Variants in PCDHGA2 observed in about 807,000 individuals in gnomAD.
The protein encoded by PCDHGA2 is protocadherin gamma subfamily A, 2.
PCDHGA2 carries 40 observed loss-of-function variants against 59.2 expected under a neutral mutation model. The observed-to-expected ratio is 0.68, with a 90% CI of 0.52 to 0.88. The LOEUF (loss-of-function observed/expected upper bound fraction) is 0.88, where lower values mean the gene tolerates loss of function less well. Ranked by LOEUF, PCDHGA2 falls within the 40% of genes least tolerant of loss-of-function variation. The pLI, the probability that PCDHGA2 is intolerant of heterozygous loss-of-function variation, is 0.00. For missense variants in PCDHGA2, 1,226 were observed against 1,204.0 expected (o/e 1.02, Z -0.27); for synonymous variants, 560 against 526.0 (o/e 1.06, Z -0.89).
intron 1 of PCDHGA2, chr5:141,372,625 G>T: frequency 6.2e-7 from 1 of 1,614,000 alleles, no homozygotes; most frequent in Non-Finnish European, 8.5e-7. Flanking sequence ...CCCACCTACA[G>T]CGAAAGGACT....
Position 141,375,135 on chromosome 5 carries a change from C to T in PCDHGA2, c.2424+33740C>T, listed in dbSNP as rs757101411. The T allele has an allele frequency of 3.7e-6, 6 of 1,613,924 alleles. No homozygotes were observed. In the East Asian group the frequency reaches 1.3e-4, roughly 36 times the overall value. ...AATGTACCAGAAGTGGTTGTTACATCTGGAAGCAGAACAATTGCTGAAAGT... is the reference window on the plus strand; with the variant it reads ...AATGTACCAGAAGTGGTTGTTACATTTGGAAGCAGAACAATTGCTGAAAGT... On this transcript the variant is annotated intron_variant, in intron 1 of 3. Coordinates refer to ENST00000394576, the MANE Select transcript of PCDHGA2 (RefSeq NM_018915.4).
intron 1 of PCDHGA2, among the ~76,000 whole-genome samples, chr5:141,402,640 T>G (rs1180615388): frequency 1.3e-5 from 2 of 152,232 alleles, no homozygotes; most frequent in East Asian, 3.8e-4. Flanking sequence ...TCTAAAATCA[T>G]AATTAGAAGA....
intron 1 of PCDHGA2, chr5:141,409,280 T>C (rs1277414418): frequency 6.2e-7 from 1 of 1,613,904 alleles, no homozygotes; most frequent in Non-Finnish European, 8.5e-7. Context: ...TTTGGAGAAT[T>C]CACCTCCAGG....
Position 141,491,992 on chromosome 5 carries a change from T to G in PCDHGA2, c.2425-2815T>G. ...GGCCTCCTTCGAGCTTCCGGTGAAT[T>G]TCGGGCGATTTCCGCGGGTGTCGGG... On this transcript the variant is annotated intron_variant, in intron 1 of 3. Transcript: ENST00000394576. This position sits in a 1 kb window ranked among gnomAD's most constrained non-coding sequence, Gnocchi z 6.9. The G allele has an allele frequency of 1.5e-6, 1 of 684,982 alleles. No homozygotes were observed. The highest frequency in any genetic ancestry group is 2.3e-6 in the Non-Finnish European group (1 of 443,370). The allele number at this position is 684,982 out of a possible 1,614,324, so 42.4% of individuals were successfully genotyped here.
At chr5:141,355,853 G>T in intron 1 of PCDHGA2, 1 of 1,612,554 alleles carries the variant, frequency 6.2e-7, no homozygotes, top group Non-Finnish European at 8.5e-7. Flanking sequence ...TTCGATGGAG[G>T]TGACCCGGTT....
intron 1 of PCDHGA2, chr5:141,346,086 A>G (rs770572086): frequency 1.9e-6 from 3 of 1,613,218 alleles, no homozygotes; most frequent in South Asian, 2.2e-5. Context: ...CGCCAAACCC[A>G]ACGATTCGGA....
chr5:141,345,156 G>A (rs769280964), intron 1 of PCDHGA2: 182 of 1,613,910 alleles, frequency 1.1e-4, no homozygotes, highest in Admixed American at 1.7e-4. Flanking sequence ...GCATGACCGA[G>A]ATTCTGGGCA....
At chr5:141,404,315 G>T (rs775576610) in intron 1 of PCDHGA2, 2 of 1,613,886 alleles carry the variant, frequency 1.2e-6, no homozygotes, top group African/African-American at 2.7e-5. Context: ...TTTCTCTCAA[G>T]CCTCCTACTC....
chr5:141,350,322 CTT>C, intron 1 of PCDHGA2: 1 of 1,532,296 alleles, frequency 6.5e-7, no homozygotes, highest in South Asian at 1.3e-5. Flanking sequence ...TTCCTGCTGT[CTT>C]TGTTCTGCGG....
intron 1 of PCDHGA2, among the ~76,000 whole-genome samples, chr5:141,470,825 C>A (rs557419577): frequency 6.6e-6 from 1 of 152,182 alleles, no homozygotes; most frequent in Admixed American, 6.5e-5. Context: ...GTAGTTAGGA[C>A]GACAAACACA....
chr5:141,464,896 G>C (rs1166142533), intron 1 of PCDHGA2, among the ~76,000 whole-genome samples: 2 of 151,554 alleles, frequency 1.3e-5, no homozygotes, highest in African/African-American at 4.8e-5. Context: ...ATGCCACCAT[G>C]TCCAGCTAAT....
rs750233767 is a variant in PCDHGA2 at position 141,490,877 on chromosome 5, C to A, written c.2425-3930C>A. 1 of 1,613,880 alleles carries A rather than the reference C, an allele frequency of 6.2e-7. No individual in the cohort carries two copies. Among genetic ancestry groups the A allele is most frequent in the Non-Finnish European group, 8.5e-7 (1 of 1,179,900 alleles). On this transcript the variant is annotated intron_variant, in intron 1 of 3. Coordinates refer to ENST00000394576, the MANE Select transcript of PCDHGA2 (RefSeq NM_018915.4). This position sits in a 1 kb window ranked among gnomAD's most constrained non-coding sequence, Gnocchi z 5.4. Reference sequence around the variant, plus strand: ...GACTCCGGCTCTCCCCCATTGCATGCCAACACATCTCTGCATGTGTTTGTC... The same window carrying A: ...GACTCCGGCTCTCCCCCATTGCATGACAACACATCTCTGCATGTGTTTGTC...
chr5:141,426,310 A>G, intron 1 of PCDHGA2: 1 of 173,588 alleles, frequency 5.8e-6, no homozygotes. Context: ...GAAGCAGAGA[A>G]GCAGGACCCG....
chr5:141,417,942 C>A (rs1324501154), intron 1 of PCDHGA2: 19 of 1,613,208 alleles, frequency 1.2e-5, no homozygotes, highest in Non-Finnish European at 1.5e-5. Flanking sequence ...TTCTACCCCA[C>A]GCTGTGTGAG....
Position 141,432,811 on chromosome 5 carries a change from T to G in PCDHGA2, c.2425-61996T>G. Reference sequence around the variant, plus strand: ...GCAGCCTCGAGTCTCCAGCTAACTCTGAAACCTCAGACCTCACTCTGTACC... The same window carrying G: ...GCAGCCTCGAGTCTCCAGCTAACTCGGAAACCTCAGACCTCACTCTGTACC... On this transcript the variant is annotated intron_variant, in intron 1 of 3. Transcript: ENST00000394576. The surrounding 1 kb of genome is among the most constrained non-coding windows in gnomAD (Gnocchi z 6.0). 1 of 1,614,126 alleles carries G rather than the reference T, an allele frequency of 6.2e-7. No homozygotes were observed. Among genetic ancestry groups the G allele is most frequent in the Non-Finnish European group, 8.5e-7 (1 of 1,179,988 alleles).
chr5:141,440,503 G>A (rs979260104), intron 1 of PCDHGA2: 10 of 152,154 alleles, frequency 6.6e-5, no homozygotes, highest in Non-Finnish European at 1.0e-4. Flanking sequence ...ACATTAATAT[G>A]GAGATTCAGG....
intron 1 of PCDHGA2, chr5:141,416,273 T>C (rs891505781): frequency 8.5e-5 from 13 of 152,298 alleles, no homozygotes; most frequent in African/African-American, 3.1e-4. Flanking sequence ...CCTTTTTGCA[T>C]ACAATTCTCT....
chr5:141,385,181 C>T (rs201394036), intron 1 of PCDHGA2: 5 of 1,614,202 alleles, frequency 3.1e-6, no homozygotes, highest in Non-Finnish European at 3.4e-6. Flanking sequence ...TCCCTCACCG[C>T]GGACTCTCGG....
At position 141,477,722 on chromosome 5, in the gene PCDHGA2, A is replaced by G. The variant is rs768705340; in HGVS notation, c.2425-17085A>G. 9.3e-6 allele frequency: 15 copies of G among 1,613,878 alleles called. No homozygotes were observed. In the Middle Eastern group the frequency reaches 6.6e-4, roughly 71 times the overall value. On this transcript the variant is annotated intron_variant, in intron 1 of 3. Transcript: ENST00000394576. The surrounding 1 kb of genome is among the most constrained non-coding windows in gnomAD (Gnocchi z 4.9). ...TGAGGATCGGCGGGAATTTGAATTA[A>G]CAGCTCATATCAGCGATGGGGGCAC...
Sources: allele counts gnomAD v4.1 joint callset (sites outside exome capture counted in the v4.1 genomes callset), GRCh38; gene constraint gnomAD v4.1.1; non-coding constraint Gnocchi (gnomAD v3.1); transcripts MANE v1.5; gene names NCBI Gene and HGNC (gene_info 2026-07-23, HGNC 2026-07-21).